The following NRG1 variants were observed in gnomAD, a reference collection of about 807,000 sequenced individuals.
The protein encoded by NRG1 is pro-neuregulin-1, membrane-bound isoform.
NRG1 carries 18 observed loss-of-function variants against 63.8 expected under a neutral mutation model. The ratio of observed to expected loss-of-function variants is 0.28; its 90% CI spans 0.19 to 0.42. NRG1 has a LOEUF of 0.42. Among genes scored for constraint, NRG1 ranks in the 10% least tolerant of loss-of-function variants. The pLI, the probability that NRG1 is intolerant of heterozygous loss-of-function variation, is 1.00. For missense variants in NRG1, 762 were observed against 814.7 expected (o/e 0.94, Z 0.79); for synonymous variants, 302 against 301.3 (o/e 1.00, Z -0.02).
chr8:31,706,266 A>T (rs1410797205), intron 1 of NRG1, among the ~76,000 whole-genome samples: 1 of 152,130 alleles, frequency 6.6e-6, no homozygotes, highest in Non-Finnish European at 1.5e-5. Context: ...ATAAACATAG[A>T]TTCTTATTCT....
intron 1 of NRG1, among the ~76,000 whole-genome samples, chr8:32,452,026 T>C: frequency 6.6e-6 from 1 of 152,062 alleles, no homozygotes. Flanking sequence ...CGGAGTTTCA[T>C]CATGTTGGCC....
chr8:32,165,503 A>C (rs1218433412), intron 1 of NRG1, among the ~76,000 whole-genome samples: 1 of 152,206 alleles, frequency 6.6e-6, no homozygotes, highest in Non-Finnish European at 1.5e-5. Context: ...AATAAACAAA[A>C]GAAAAAAGAA....
At chr8:31,667,334 A>T (rs1258451873) in intron 1 of NRG1, among the ~76,000 whole-genome samples, 1 of 152,166 alleles carries the variant, frequency 6.6e-6, no homozygotes, top group Non-Finnish European at 1.5e-5. Flanking sequence ...TGTGGCTCAG[A>T]TTTGGGAGGG....
intron 1 of NRG1, among the ~76,000 whole-genome samples, chr8:31,779,976 G>A (rs1287308351): frequency 6.6e-6 from 1 of 152,184 alleles, no homozygotes; most frequent in African/African-American, 2.4e-5. Context: ...AAGAACCAAC[G>A]AGAATACATC....
chr8:31,748,165 A>G (rs144444837), intron 1 of NRG1, among the ~76,000 whole-genome samples: 333 of 152,082 alleles, frequency 2.2e-3, no homozygotes, highest in South Asian at 8.3e-3. Context: ...TTCTTTTCAT[A>G]CTAAAAAGGT....
chr8:31,846,951 G>C (rs1246147063), intron 1 of NRG1, among the ~76,000 whole-genome samples: 2 of 152,166 alleles, frequency 1.3e-5, no homozygotes, highest in East Asian at 3.9e-4. Flanking sequence ...AATAATAAAG[G>C]GGCACCTCTG....
chr8:32,541,385 G>C (rs1043662639), intron 1 of NRG1, among the ~76,000 whole-genome samples: 7 of 152,042 alleles, frequency 4.6e-5, no homozygotes, highest in Admixed American at 4.6e-4. Context: ...TACAGAATAT[G>C]ATGGGTCCGT....
At chr8:32,363,838 G>T (rs115611567) in intron 1 of NRG1, among the ~76,000 whole-genome samples, 1,783 of 152,112 alleles carry the variant, frequency 0.012, 34 homozygotes, top group African/African-American at 0.04. Context: ...GATTGCCAGG[G>T]GTTGGGATTG....
intron 1 of NRG1, among the ~76,000 whole-genome samples, chr8:32,466,500 C>G (rs1823084308): frequency 6.6e-6 from 1 of 152,066 alleles, no homozygotes; most frequent in African/African-American, 2.4e-5. Flanking sequence ...CACCTAACTG[C>G]TTTGGGCTTC....
At chr8:32,156,808 G>A (rs1039976463) in intron 1 of NRG1, among the ~76,000 whole-genome samples, 1 of 152,106 alleles carries the variant, frequency 6.6e-6, no homozygotes, top group Non-Finnish European at 1.5e-5. Flanking sequence ...TGGTGGCATG[G>A]GCCTGTATTC....
At chr8:32,762,038 CAA>C (rs11407724) in intron 11 of NRG1, among the ~76,000 whole-genome samples, 18 of 81,476 alleles carry the variant, frequency 2.2e-4, no homozygotes, top group African/African-American at 7.1e-4. Context: ...GACTCCGCCT[CAA>C]AAAAAAAAAA....
In NRG1 at chr8:32,713,130, C is replaced by T. The variant is rs142103105; in HGVS notation, c.503-14819C>T. 4.2e-3 allele frequency among the ~76,000 whole-genome samples: 647 copies of T among 152,280 alleles called. 3 individuals carry two copies. Among genetic ancestry groups the T allele is most frequent in the Non-Finnish European group, 6.7e-3 (455 of 68,034 alleles). ...AAAGTGATTCCAGCAACATAGATTA[C>T]ATACCCCACTTAACAGATTAAATTT... On this transcript the variant is annotated intron_variant, in intron 5 of 11. Coordinates refer to ENST00000356819, the Ensembl canonical transcript of NRG1.
At chr8:32,638,007 A>G (rs1851651521) in intron 5 of NRG1, among the ~76,000 whole-genome samples, 1 of 152,218 alleles carries the variant, frequency 6.6e-6, no homozygotes, top group Non-Finnish European at 1.5e-5. Context: ...TCTAGGCGAG[A>G]GAAAGTCTAA....
At chr8:32,025,608 ATT>A (rs566432339) in intron 1 of NRG1, among the ~76,000 whole-genome samples, 1 of 150,550 alleles carries the variant, frequency 6.6e-6, no homozygotes, top group Non-Finnish European at 1.5e-5. Flanking sequence ...ATGGAAGTCG[ATT>A]TTTTTTTTTT....
At chr8:32,557,658 AT>A (rs537588043) in intron 1 of NRG1, among the ~76,000 whole-genome samples, 19 of 152,116 alleles carry the variant, frequency 1.2e-4, no homozygotes, top group Non-Finnish European at 2.6e-4. Context: ...TATGATTATA[AT>A]TTTTTTTAGT....
At chr8:32,359,996 A>G (rs1361517432) in intron 1 of NRG1, among the ~76,000 whole-genome samples, 1 of 152,226 alleles carries the variant, frequency 6.6e-6, no homozygotes, top group Admixed American at 6.6e-5. Flanking sequence ...AAGTTCTACC[A>G]GGCATTCGAC....
exon 1 of NRG1, chr8:32,548,786 C>T: frequency 6.3e-7 from 1 of 1,587,460 alleles, no homozygotes; most frequent in South Asian, 1.1e-5. Context: ...AGCGAGGCTC[C>T]GGCAAGAAGC....
At chr8:32,491,077 C>T (rs4278115) in intron 1 of NRG1, among the ~76,000 whole-genome samples, 94,776 of 152,000 alleles carry the variant, frequency 0.62, 29,789 homozygotes, top group East Asian at 0.79. Flanking sequence ...TTAATTATTA[C>T]GGTTCCTAAA....
At chr8:31,822,095 C>G (rs932326591) in intron 1 of NRG1, among the ~76,000 whole-genome samples, 4 of 152,168 alleles carry the variant, frequency 2.6e-5, no homozygotes, top group African/African-American at 9.7e-5. Context: ...TTTCAAACCT[C>G]TGATTGGACA....
Sources: allele counts gnomAD v4.1 joint callset (sites outside exome capture counted in the v4.1 genomes callset), GRCh38; gene constraint gnomAD v4.1.1; transcripts MANE v1.5; gene names NCBI Gene and HGNC (gene_info 2026-07-23, HGNC 2026-07-21).